The following METTL25 variants were observed in gnomAD, a reference collection of about 807,000 sequenced individuals.
METTL25 encodes the protein methyltransferase like 25, also known as probable methyltransferase-like protein 25.
A neutral mutation model predicts 71.6 loss-of-function variants in METTL25; 64 were observed. The observed-to-expected ratio is 0.89, with a 90% CI of 0.73 to 1.10. The LOEUF is 1.10. METTL25 is among the 50% of genes least tolerant of loss of function. The pLI, the probability that METTL25 is intolerant of heterozygous loss-of-function variation, is 0.00. For missense variants in METTL25, 807 were observed against 707.0 expected (o/e 1.14, Z -1.60); for synonymous variants, 287 against 250.3 (o/e 1.15, Z -1.38).
intron 1 of METTL25, among the ~76,000 whole-genome samples, chr12:82,377,378 T>G (rs1270004418): frequency 6.6e-6 from 1 of 152,240 alleles, no homozygotes; most frequent in African/African-American, 2.4e-5. Flanking sequence ...TTTACTGTTA[T>G]TAACATATGT....
intron 5 of METTL25, among the ~76,000 whole-genome samples, chr12:82,409,305 T>C (rs1887360607): frequency 6.6e-6 from 1 of 152,168 alleles, no homozygotes; most frequent in Non-Finnish European, 1.5e-5. Context: ...AGAAACATTT[T>C]TATTGCAGTC....
intron 1 of METTL25, among the ~76,000 whole-genome samples, chr12:82,367,913 C>A (rs1336581416): frequency 1.3e-5 from 2 of 152,170 alleles, no homozygotes; most frequent in Non-Finnish European, 2.9e-5. Context: ...TTTAGTACTG[C>A]ATAATCTTGT....
At chr12:82,415,819 C>T (rs1408383383) in intron 5 of METTL25, among the ~76,000 whole-genome samples, 3 of 152,142 alleles carry the variant, frequency 2.0e-5, no homozygotes, top group African/African-American at 4.8e-5. Flanking sequence ...AACTCCTTCA[C>T]GGGCCATCCA....
At chr12:82,426,880 T>C (rs993080065) in intron 5 of METTL25, among the ~76,000 whole-genome samples, 5 of 151,942 alleles carry the variant, frequency 3.3e-5, no homozygotes, top group African/African-American at 9.7e-5. Context: ...TCACCCCATC[T>C]TCCCTCTACC....
intron 9 of METTL25, among the ~76,000 whole-genome samples, chr12:82,460,749 T>C (rs1361060029): frequency 6.6e-6 from 1 of 152,200 alleles, no homozygotes; most frequent in Non-Finnish European, 1.5e-5. Flanking sequence ...GATGGGATTC[T>C]AGACTGGAAA....
At chr12:82,369,593 A>C (rs773878881) in intron 1 of METTL25, 17 of 297,058 alleles carry the variant, frequency 5.7e-5, no homozygotes, top group South Asian at 4.5e-4. Flanking sequence ...GGTGATGCAG[A>C]CCCAAAGAGT....
chr12:82,412,166 T>TA (rs1255863522), intron 5 of METTL25, among the ~76,000 whole-genome samples: 1 of 152,096 alleles, frequency 6.6e-6, no homozygotes, highest in East Asian at 1.9e-4. Context: ...AACTAGTACT[T>TA]ACATTTTACA....
chr12:82,423,070 G>A (rs138592369), intron 5 of METTL25, among the ~76,000 whole-genome samples: 2 of 152,056 alleles, frequency 1.3e-5, no homozygotes, highest in Non-Finnish European at 2.9e-5. Context: ...CCAAAAAAAA[G>A]CCCTCATTGC....
Position 82,445,056 on chromosome 12 carries a change from A to G in METTL25, c.1478+6265A>G, listed in dbSNP as rs553334703. 2.6e-5 allele frequency among the ~76,000 whole-genome samples: 4 copies of G among 152,226 alleles called. No individual in the cohort carries two copies. In the South Asian group the frequency reaches 8.3e-4, roughly 32 times the overall value. On this transcript the variant is annotated intron_variant, in intron 8 of 11. Transcript: ENST00000248306. ...CTTGAGAGAAACGACCTAATAGTAT[A>G]CCTCCAGGAACTAGAAAAGCAAAAC... is the stretch of plus-strand genomic sequence containing the variant.
chr12:82,436,993 T>G (rs893951364), intron 7 of METTL25, among the ~76,000 whole-genome samples: 2 of 151,606 alleles, frequency 1.3e-5, no homozygotes, highest in African/African-American at 4.8e-5. Flanking sequence ...TTCAGCATTT[T>G]TATGAGATAA....
At chr12:82,455,886 G>A (rs1891457626) in intron 8 of METTL25, among the ~76,000 whole-genome samples, 1 of 151,854 alleles carries the variant, frequency 6.6e-6, no homozygotes, top group African/African-American at 2.4e-5. Context: ...GTGAAGAAGA[G>A]AGACTTCAGT....
intron 5 of METTL25, among the ~76,000 whole-genome samples, chr12:82,409,194 A>G (rs1411345251): frequency 6.6e-6 from 1 of 152,150 alleles, no homozygotes; most frequent in East Asian, 1.9e-4. Context: ...GCAAAGCTCT[A>G]TGAGCCATTG....
chr12:82,419,693 TA>T (rs57698458), intron 5 of METTL25, among the ~76,000 whole-genome samples: 80 of 145,284 alleles, frequency 5.5e-4, no homozygotes, highest in African/African-American at 1.7e-3. Flanking sequence ...TGACTGCTAT[TA>T]AAAAAAAAAA....
At chr12:82,446,132 TA>T (rs1890719696) in intron 8 of METTL25, among the ~76,000 whole-genome samples, 1 of 152,272 alleles carries the variant, frequency 6.6e-6, no homozygotes, top group African/African-American at 2.4e-5. Context: ...ATAACAATTG[TA>T]AATGTATGTG....
chr12:82,375,861 C>T (rs1360928312), intron 1 of METTL25, among the ~76,000 whole-genome samples: 1 of 152,266 alleles, frequency 6.6e-6, no homozygotes, highest in Admixed American at 6.5e-5. Flanking sequence ...CCTTATATCC[C>T]AATTTAGGTT....
chr12:82,372,125 C>A (rs146780202), intron 1 of METTL25, among the ~76,000 whole-genome samples: 2 of 152,290 alleles, frequency 1.3e-5, no homozygotes, highest in Middle Eastern at 6.8e-3. Context: ...AGCATGATGT[C>A]TCTCCAAGTA....
chr12:82,410,028 G>T (rs1019098560), intron 5 of METTL25, among the ~76,000 whole-genome samples: 1 of 152,132 alleles, frequency 6.6e-6, no homozygotes, highest in East Asian at 1.9e-4. Flanking sequence ...CTTTACTGTT[G>T]TTGAGGTTTA....
chr12:82,370,786 C>T (rs1176008746), intron 1 of METTL25, among the ~76,000 whole-genome samples: 1 of 152,128 alleles, frequency 6.6e-6, no homozygotes. Flanking sequence ...TCCTCCCTCT[C>T]TCTCTCTGAC....
At chr12:82,441,895 C>G (rs1489638587) in intron 8 of METTL25, among the ~76,000 whole-genome samples, 1 of 150,724 alleles carries the variant, frequency 6.6e-6, no homozygotes, top group Non-Finnish European at 1.5e-5. Context: ...AGAGCCTGCA[C>G]TTTCATCCTT....
Sources: gnomAD v4.1 joint callset for allele counts (sites outside exome capture counted in the v4.1 genomes callset) on GRCh38, gnomAD v4.1.1 for gene constraint, MANE v1.5 for transcripts, NCBI Gene and HGNC (gene_info 2026-07-23, HGNC 2026-07-21) for gene names.